KNTC1: variants seen among roughly 807,000 people sequenced by gnomAD.
KNTC1 encodes the protein kinetochore associated 1.
In KNTC1, 253 loss-of-function variants were observed where a neutral mutation model predicts 314.4. The observed-to-expected ratio is 0.80, with a 90% CI of 0.73 to 0.89. KNTC1 has a LOEUF of 0.89. Ranked by LOEUF, KNTC1 falls within the 40% of genes least tolerant of loss-of-function variation. KNTC1 has a pLI of 0.00. For synonymous variants in KNTC1, 901 were observed against 901.4 expected (o/e 1.00, Z 0.01); for missense variants, 2,475 against 2,572.9 (o/e 0.96, Z 0.82).
chr12:122,618,021 C>T (rs571177701), intron 57 of KNTC1, among the ~76,000 whole-genome samples: 10 of 152,114 alleles, frequency 6.6e-5, no homozygotes, highest in Admixed American at 5.2e-4. Context: ...ATACCTTTTT[C>T]GAGATGGAGT....
At chr12:122,581,928 G>GA (rs1377766499) in intron 33 of KNTC1, among the ~76,000 whole-genome samples, 1 of 152,066 alleles carries the variant, frequency 6.6e-6, no homozygotes, top group Admixed American at 6.6e-5. Flanking sequence ...TCATGACCCT[G>GA]AGCAGAAACT....
rs942963656 is a variant in KNTC1, at chr12:122,544,157, A to G, written c.559-2A>G. The G allele has an allele frequency of 7.4e-7, 1 of 1,351,510 alleles. No individual in the cohort carries two copies. The highest frequency in any genetic ancestry group is 1.3e-5 in the South Asian group (1 of 76,350). 83.7% of individuals were successfully genotyped at this position (1,351,510 alleles called of 1,614,324 possible). A position where few individuals can be genotyped will look rare whatever the true frequency, so the allele number is the denominator to read the frequency against. ...ATGACGTTGTTGTTTTTAATTTTGC[A>G]GTTACAAGGACAAATCAAGTCCAGT... On this transcript the variant is annotated splice_acceptor_variant, in intron 7 of 63. Transcript: ENST00000333479. LOFTEE classifies it high-confidence loss of function.
At chr12:122,578,275 T>A (rs1038399512) in intron 31 of KNTC1, among the ~76,000 whole-genome samples, 18 of 152,146 alleles carry the variant, frequency 1.2e-4, no homozygotes, top group Admixed American at 2.0e-4. Flanking sequence ...TCTCTTTTTT[T>A]AAATATTATA....
chr12:122,602,518 G>A lies in KNTC1; in HGVS notation c.4654-51G>A, dbSNP rs1872062790. On this transcript the variant is annotated intron_variant, in intron 45 of 63. Transcript: ENST00000333479. ...TATACTATTAGATGATTTTATGACAGTTTAGGATTGGGTTACTCTTACTGG... is the reference window on the plus strand; with the variant it reads ...TATACTATTAGATGATTTTATGACAATTTAGGATTGGGTTACTCTTACTGG... 4 of 1,139,442 alleles carry A rather than the reference G, an allele frequency of 3.5e-6. No individual in the cohort carries two copies. The South Asian group carries it at 5.9e-5, about 17-fold the overall frequency. The allele number at this position is 1,139,442 out of a possible 1,614,324, so 70.6% of individuals were successfully genotyped here.
intron 32 of KNTC1, 42 bp from the exon 33 acceptor site, chr12:122,580,561 G>A (rs1027505011): frequency 1.9e-5 from 23 of 1,212,536 alleles, no homozygotes; most frequent in Non-Finnish European, 2.5e-5. Flanking sequence ...GATAATATGA[G>A]AATTTGCATG....
intron 2 of KNTC1, among the ~76,000 whole-genome samples, chr12:122,531,303 T>C (rs538264633): frequency 1.3e-5 from 2 of 152,134 alleles, no homozygotes; most frequent in East Asian, 3.9e-4. Flanking sequence ...GCCTCCTGGG[T>C]TCAAAAAATT....
intron 31 of KNTC1, among the ~76,000 whole-genome samples, 179 bp from the exon 32 acceptor site, chr12:122,579,726 C>G (rs989607327): frequency 6.6e-6 from 1 of 152,110 alleles, no homozygotes; most frequent in African/African-American, 2.4e-5. Context: ...TCCAGGAGTT[C>G]ATACTGGAGT....
At chr12:122,559,896 T>G (rs1289468243) in intron 18 of KNTC1, among the ~76,000 whole-genome samples, 1 of 152,210 alleles carries the variant, frequency 6.6e-6, no homozygotes, top group Admixed American at 6.5e-5. Context: ...TTTTTAAATT[T>G]AATGGTATTA....
Position 122,601,636 on chromosome 12 carries a change from TATATC to T in KNTC1, c.4653+13_4653+17del, listed in dbSNP as rs1555236612. 6.8e-7 allele frequency: 1 copy of T among 1,477,754 alleles called. No homozygotes were observed. The highest frequency in any genetic ancestry group is 9.0e-7 in the Non-Finnish European group (1 of 1,114,914). 91.5% of individuals were successfully genotyped at this position (1,477,754 alleles called of 1,614,324 possible). On this transcript the variant is annotated intron_variant, in intron 45 of 63. Transcript: ENST00000333479. Reference sequence around the variant, plus strand: ...ATTAATATTAATCAGGTATAACAAATATATCAAAGATGTAAAAATCATCTTTCTGC... The same window carrying T: ...ATTAATATTAATCAGGTATAACAAATAAAGATGTAAAAATCATCTTTCTGC...
chr12:122,570,980 A>G lies in KNTC1; in HGVS notation c.1918-45A>G, dbSNP rs559927435. On this transcript the variant is annotated intron_variant, in intron 23 of 63. Transcript: ENST00000333479. ...TAAAAAGACATTTTGCACACTCCCA[A>G]CAGCATAAAACATTGTTTTGAACTG... 21 of 1,598,378 alleles carry G rather than the reference A, an allele frequency of 1.3e-5. No individual in the cohort carries two copies. The South Asian group carries it at 1.4e-4, about 11-fold the overall frequency.
At position 122,625,471 on chromosome 12, in the gene KNTC1, G is replaced by T. The variant is rs140352220; in HGVS notation, c.6607-734G>T. On this transcript the variant is annotated intron_variant, in intron 63 of 63. Transcript: ENST00000333479. ...AATCCCAGCTACTAGGGAAGCTGAG[G>T]CAGGAGAATTGCTTGAACCCAGGAG... is the stretch of plus-strand genomic sequence containing the variant. Among the ~76,000 whole-genome samples, 1,292 of 152,022 alleles carry T rather than the reference G, an allele frequency of 8.5e-3. 17 individuals carry two copies. Among genetic ancestry groups the T allele is most frequent in the African/African-American group, 0.03 (1,249 of 41,452 alleles).
At chr12:122,555,001 C>T (rs1481939822) in intron 16 of KNTC1, among the ~76,000 whole-genome samples, 1 of 152,098 alleles carries the variant, frequency 6.6e-6, no homozygotes, top group Non-Finnish European at 1.5e-5. Context: ...GCTATGATTA[C>T]ACCGCTGCAT....
At chr12:122,567,730 T>C (rs902016949) in intron 20 of KNTC1, among the ~76,000 whole-genome samples, 1 of 151,922 alleles carries the variant, frequency 6.6e-6, no homozygotes, top group Non-Finnish European at 1.5e-5. Flanking sequence ...CCCAGCTGCT[T>C]GGGAGGCTGA....
chr12:122,533,720 G>A (rs1033285161), intron 2 of KNTC1, among the ~76,000 whole-genome samples: 1 of 152,090 alleles, frequency 6.6e-6, no homozygotes, highest in African/African-American at 2.4e-5. Flanking sequence ...AAATAAGGTA[G>A]AAGAGGGATC....
At chr12:122,581,357 G>A (rs1202499606) in intron 33 of KNTC1, among the ~76,000 whole-genome samples, 2 of 151,292 alleles carry the variant, frequency 1.3e-5, no homozygotes, top group Non-Finnish European at 2.9e-5. Flanking sequence ...GTGCCACCAA[G>A]CCCGGCTAAT....
chr12:122,575,524 A>G lies in KNTC1; in HGVS notation c.2383-19A>G. 1.3e-6 allele frequency: 2 copies of G among 1,548,666 alleles called. No homozygotes were observed. The highest frequency in any genetic ancestry group is 1.8e-6 in the Non-Finnish European group (2 of 1,138,586). On this transcript the variant is annotated intron_variant, in intron 27 of 63. Coordinates refer to ENST00000333479, the MANE Select transcript of KNTC1 (RefSeq NM_014708.6). ...TAAACCTGAGGGCTGTTCCTTGTCCATGCGTGCATCTTTTGTAGCTCATAT... is the reference window on the plus strand; with the variant it reads ...TAAACCTGAGGGCTGTTCCTTGTCCGTGCGTGCATCTTTTGTAGCTCATAT...
intron 42 of KNTC1, among the ~76,000 whole-genome samples, chr12:122,592,001 T>A (rs1027404459): frequency 6.6e-6 from 1 of 152,156 alleles, no homozygotes; most frequent in Non-Finnish European, 1.5e-5. Context: ...GCCGGCTCCC[T>A]CAGCTTGCAG....
intron 27 of KNTC1, 113 bp downstream of exon 27, chr12:122,574,493 CTG>C: frequency 1.6e-6 from 1 of 641,494 alleles, no homozygotes; most frequent in African/African-American, 1.8e-5. Flanking sequence ...ATGGGTCTGG[CTG>C]TGTCGCCCAG....
At chr12:122,546,511 TG>T (rs1962776764) in intron 9 of KNTC1, 110 bp from the exon 10 acceptor site, 2 of 745,826 alleles carry the variant, frequency 2.7e-6, no homozygotes. Context: ...TAAAGGAAAA[TG>T]GGACCTAGTA....
Sources: allele counts gnomAD v4.1 joint callset (sites outside exome capture counted in the v4.1 genomes callset), GRCh38; gene constraint gnomAD v4.1.1; transcripts MANE v1.5; gene names NCBI Gene and HGNC (gene_info 2026-07-23, HGNC 2026-07-21).